The following NFXL1 variants were observed in gnomAD, a reference collection of about 807,000 sequenced individuals.
The protein encoded by NFXL1 is nuclear transcription factor, X-box binding like 1.
A neutral mutation model predicts 123.3 loss-of-function variants in NFXL1; 66 were observed. That is an observed-to-expected ratio of 0.54 (90% CI 0.44 to 0.66). The LOEUF is 0.66. Among genes scored for constraint, NFXL1 ranks in the 30% least tolerant of loss-of-function variants. The pLI, the probability that NFXL1 is intolerant of heterozygous loss-of-function variation, is 0.00. For synonymous variants in NFXL1, 346 were observed against 360.8 expected, an observed-to-expected ratio of 0.96 and a Z score of 0.46; for missense variants, 944 against 1,125.6, an observed-to-expected ratio of 0.84 and a Z score of 2.31.
At chr4:47,907,575 C>A (rs762630361) in intron 3 of NFXL1, among the ~76,000 whole-genome samples, 1 of 152,130 alleles carries the variant, frequency 6.6e-6, no homozygotes, top group Non-Finnish European at 1.5e-5. Context: ...TGGGAACCAT[C>A]CCATTACTCT....
chr4:47,848,145 A>G lies in NFXL1; in HGVS notation c.*18T>C. 1 of 1,521,346 alleles carries G rather than the reference A, an allele frequency of 6.6e-7. No homozygotes were observed. The highest frequency in any genetic ancestry group is 1.7e-4 in the Middle Eastern group (1 of 5,732). 94.2% of individuals were successfully genotyped at this position (1,521,346 alleles called of 1,614,324 possible). A position where few individuals can be genotyped will look rare whatever the true frequency, so the allele number is the denominator to read the frequency against. ...ATCTAAATCCAATCTGAGTTACATT[A>G]AAAGATCAAAACTTTTTTTAATTGA... On this transcript the variant is annotated 3_prime_UTR_variant, in exon 23 of 23. Transcript: ENST00000507489.
At chr4:47,893,642 A>G (rs1440687939) in intron 11 of NFXL1, among the ~76,000 whole-genome samples, 1 of 152,130 alleles carries the variant, frequency 6.6e-6, no homozygotes, top group Non-Finnish European at 1.5e-5. Flanking sequence ...TCAGACATAC[A>G]AAGTTGAAAG....
chr4:47,869,341 C>A (rs1254442835), intron 18 of NFXL1, among the ~76,000 whole-genome samples: 2 of 152,154 alleles, frequency 1.3e-5, no homozygotes, highest in Non-Finnish European at 2.9e-5. Context: ...CAACCCAAAT[C>A]TTATATCCTG....
At chr4:47,896,712 A>G (rs1433942613) in intron 9 of NFXL1, 65 bp from the exon 10 acceptor site, 1 of 1,160,310 alleles carries the variant, frequency 8.6e-7, no homozygotes, top group Non-Finnish European at 1.3e-6. Flanking sequence ...ACAAAGTGCC[A>G]TGTTCTTCAG....
intron 20 of NFXL1, among the ~76,000 whole-genome samples, chr4:47,853,998 C>T (rs1056112781): frequency 3.3e-5 from 5 of 152,012 alleles, no homozygotes; most frequent in Admixed American, 1.3e-4. Flanking sequence ...TTGGACAAGA[C>T]ATGAGATTTC....
chr4:47,901,919 T>G (rs1737370544), intron 5 of NFXL1, among the ~76,000 whole-genome samples: 1 of 152,214 alleles, frequency 6.6e-6, no homozygotes, highest in Non-Finnish European at 1.5e-5. Context: ...CAGTGGCTCA[T>G]GCCTGTAATC....
chr4:47,913,011 CAAAAAAAAAA>C (rs574444228), intron 2 of NFXL1, among the ~76,000 whole-genome samples: 1 of 74,520 alleles, frequency 1.3e-5, no homozygotes. Flanking sequence ...GACTCTGTCT[CAAAAAAAAAA>C]AAAAAAAAAA....
At chr4:47,877,006 G>A (rs1414057498) in intron 17 of NFXL1, 2 of 1,176,032 alleles carry the variant, frequency 1.7e-6, no homozygotes, top group Non-Finnish European at 2.2e-6. Context: ...AAGAACCAAA[G>A]TTCACCTAAA....
At chr4:47,885,799 AAAATT>A in intron 13 of NFXL1, 75 bp downstream of exon 13, 3 of 1,508,582 alleles carry the variant, frequency 2.0e-6, no homozygotes, top group South Asian at 2.5e-5. Context: ...ACACTAAAGC[AAAATT>A]AAATTATTAA....
intron 20 of NFXL1, among the ~76,000 whole-genome samples, chr4:47,852,622 A>G (rs902647451): frequency 1.3e-5 from 2 of 152,066 alleles, no homozygotes; most frequent in African/African-American, 4.8e-5. Context: ...CCTTAATGAA[A>G]GAACACTGAT....
chr4:47,899,316 A>G, intron 6 of NFXL1, 54 bp downstream of exon 6: 5 of 1,476,154 alleles, frequency 3.4e-6, no homozygotes, highest in Admixed American at 2.1e-5. Flanking sequence ...TTTTGCCTCA[A>G]TATAAGAAGA....
At chr4:47,850,958 T>G in intron 22 of NFXL1, 137 bp downstream of exon 22, 1 of 624,114 alleles carries the variant, frequency 1.6e-6, no homozygotes, top group East Asian at 2.8e-5. Context: ...GATGGCTCAT[T>G]TTTGTTTTAC....
chr4:47,911,225 TATG>T (rs1465864431), intron 2 of NFXL1, among the ~76,000 whole-genome samples: 2 of 152,200 alleles, frequency 1.3e-5, no homozygotes, highest in Non-Finnish European at 1.5e-5. Flanking sequence ...AGCAAATTTT[TATG>T]ATAACGGTGA....
chr4:47,879,800 G>A (rs974546183), intron 15 of NFXL1, among the ~76,000 whole-genome samples: 2 of 152,082 alleles, frequency 1.3e-5, no homozygotes, highest in Non-Finnish European at 2.9e-5. Context: ...TTTGGCAAAA[G>A]AGCAAAGGTA....
chr4:47,877,261 A>AG, intron 17 of NFXL1: 5 of 427,340 alleles, frequency 1.2e-5, no homozygotes, highest in South Asian at 3.3e-5. Flanking sequence ...AAAATCACTG[A>AG]ATCTACACTT....
chr4:47,912,171 T>A (rs925970588), intron 2 of NFXL1, among the ~76,000 whole-genome samples: 1 of 152,168 alleles, frequency 6.6e-6, no homozygotes, highest in Non-Finnish European at 1.5e-5. Context: ...CCTAGCAAGC[T>A]TTGAGTACTG....
intron 19 of NFXL1, among the ~76,000 whole-genome samples, chr4:47,857,489 C>T (rs1456607392): frequency 6.6e-6 from 1 of 152,196 alleles, no homozygotes; most frequent in Non-Finnish European, 1.5e-5. Context: ...TTAAAAATCA[C>T]TGGTCTTGAT....
intron 9 of NFXL1, chr4:47,896,854 CAA>C (rs1169350822): frequency 1.9e-6 from 1 of 513,218 alleles, no homozygotes; most frequent in African/African-American, 1.9e-5. Flanking sequence ...AAATTTGACA[CAA>C]GTTACTATCC....
chr4:47,859,916 G>A (rs1473690960), intron 19 of NFXL1, among the ~76,000 whole-genome samples: 3 of 138,414 alleles, frequency 2.2e-5, no homozygotes, highest in Non-Finnish European at 3.1e-5. Context: ...TCACTCATAC[G>A]TGAAATATAA....
Sources: gnomAD v4.1 joint callset for allele counts (sites outside exome capture counted in the v4.1 genomes callset) on GRCh38, gnomAD v4.1.1 for gene constraint, MANE v1.5 for transcripts, NCBI Gene and HGNC (gene_info 2026-07-23, HGNC 2026-07-21) for gene names.